STK3: variants seen among roughly 807,000 people sequenced by gnomAD.
STK3 encodes the protein serine/threonine-protein kinase 3.
A neutral mutation model predicts 58.0 loss-of-function variants in STK3; 41 were observed. The ratio of observed to expected loss-of-function variants is 0.71; its 90% CI spans 0.55 to 0.92. The LOEUF (loss-of-function observed/expected upper bound fraction) is 0.92. STK3 is among the 40% of genes least tolerant of loss of function. The pLI is 0.00. For synonymous variants in STK3, 170 were observed against 191.0 expected, an observed-to-expected ratio of 0.89 and a Z score of 0.91; for missense variants, 479 against 602.7, an observed-to-expected ratio of 0.79 and a Z score of 2.15.
chr8:98,627,625 C>T (rs939305516), intron 6 of STK3, among the ~76,000 whole-genome samples: 11 of 152,018 alleles, frequency 7.2e-5, no homozygotes, highest in African/African-American at 2.4e-4. Flanking sequence ...TTCCTGAAGC[C>T]TCACCAGAAG....
At chr8:98,891,423 A>G (rs1181884541) in intron 1 of STK3, among the ~76,000 whole-genome samples, 5 of 152,230 alleles carry the variant, frequency 3.3e-5, no homozygotes, top group African/African-American at 1.2e-4. Context: ...AATTATAACG[A>G]GAACTTTTAT....
chr8:98,740,184 A>C (rs1829066111), intron 4 of STK3, among the ~76,000 whole-genome samples: 1 of 152,224 alleles, frequency 6.6e-6, no homozygotes, highest in South Asian at 2.1e-4. Flanking sequence ...GATATTATCC[A>C]GGAGAACTTC....
At chr8:98,673,614 G>T (rs1378082139) in intron 6 of STK3, among the ~76,000 whole-genome samples, 2 of 152,016 alleles carry the variant, frequency 1.3e-5, no homozygotes, top group African/African-American at 4.8e-5. Flanking sequence ...GGAGGGGCAG[G>T]TGGGATGGTG....
intron 4 of STK3, among the ~76,000 whole-genome samples, chr8:98,725,327 A>T (rs774507801): frequency 1.5e-4 from 23 of 152,222 alleles, no homozygotes; most frequent in Non-Finnish European, 2.4e-4. Context: ...ACCTCAAGGA[A>T]GTAAAATTGA....
chr8:98,752,376 G>A (rs1055443487), intron 3 of STK3, among the ~76,000 whole-genome samples: 6 of 152,132 alleles, frequency 3.9e-5, no homozygotes, highest in African/African-American at 1.4e-4. Context: ...TCAATAAATG[G>A]TGCTGGGATA....
chr8:98,796,601 C>A (rs1387194882), intron 1 of STK3, among the ~76,000 whole-genome samples: 1 of 152,160 alleles, frequency 6.6e-6, no homozygotes, highest in Non-Finnish European at 1.5e-5. Flanking sequence ...AAAAAACTGA[C>A]AAGTGGGACC....
intron 1 of STK3, among the ~76,000 whole-genome samples, chr8:98,440,119 G>C (rs1818636569): frequency 6.6e-6 from 1 of 152,132 alleles, no homozygotes; most frequent in Non-Finnish European, 1.5e-5. Flanking sequence ...TAGCCCCAAA[G>C]GGATAAAGGA....
chr8:98,900,102 G>A (rs1167902882), intron 1 of STK3, among the ~76,000 whole-genome samples: 1 of 152,034 alleles, frequency 6.6e-6, no homozygotes, highest in South Asian at 2.1e-4. Flanking sequence ...TTTGAGACAG[G>A]GTCTCCCTCT....
intron 4 of STK3, among the ~76,000 whole-genome samples, chr8:98,733,140 C>A (rs1252050034): frequency 6.6e-6 from 1 of 152,230 alleles, no homozygotes; most frequent in African/African-American, 2.4e-5. Flanking sequence ...CTGACTTACT[C>A]ATTTATTCAT....
At chr8:98,893,935 C>A (rs558699698) in intron 1 of STK3, among the ~76,000 whole-genome samples, 17 of 152,328 alleles carry the variant, frequency 1.1e-4, no homozygotes, top group African/African-American at 3.4e-4. Flanking sequence ...GTTTCAGCAG[C>A]CCATGCTTCA....
chr8:98,916,224 A>G (rs905552595), intron 1 of STK3, among the ~76,000 whole-genome samples: 16 of 152,072 alleles, frequency 1.1e-4, no homozygotes, highest in African/African-American at 3.9e-4. Flanking sequence ...AGACCAGCCT[A>G]GCCAACATGG....
intron 3 of STK3, among the ~76,000 whole-genome samples, chr8:98,857,937 GA>G (rs1381540329): frequency 6.6e-6 from 1 of 152,080 alleles, no homozygotes; most frequent in East Asian, 1.9e-4. Flanking sequence ...AAAAGGAAAA[GA>G]AAAGCCTGTG....
intron 3 of STK3, among the ~76,000 whole-genome samples, chr8:98,871,557 A>G (rs571536294): frequency 7.2e-5 from 11 of 152,234 alleles, no homozygotes; most frequent in African/African-American, 2.6e-4. Flanking sequence ...GAGGTCCTTC[A>G]TGTCCCTTGT....
At chr8:98,897,777 AT>A (rs1225563972) in intron 1 of STK3, among the ~76,000 whole-genome samples, 1 of 152,040 alleles carries the variant, frequency 6.6e-6, no homozygotes, top group Admixed American at 6.6e-5. Context: ...TTTCCCCTGG[AT>A]TTTTGGCTAA....
chr8:98,855,907 A>G (rs562442156), intron 3 of STK3, among the ~76,000 whole-genome samples: 2 of 152,220 alleles, frequency 1.3e-5, no homozygotes, highest in South Asian at 4.1e-4. Flanking sequence ...CTGTAATCCC[A>G]GCACTTTGGG....
rs1828325309 is a variant in STK3, at chr8:98,733,093, T to C, written c.351+16183A>G. Among the ~76,000 whole-genome samples the C allele has an allele frequency of 2.0e-5, 3 of 152,332 alleles. No homozygotes were observed. In the East Asian group the frequency reaches 5.8e-4, roughly 29 times the overall value. Reference sequence around the variant, plus strand: ...CAGAAATAAAATTTGAGCATATCATTGTTTCCTCTTCCAAGATGTTCTTTG... The same window carrying C: ...CAGAAATAAAATTTGAGCATATCATCGTTTCCTCTTCCAAGATGTTCTTTG... On this transcript the variant is annotated intron_variant, in intron 4 of 10. Coordinates refer to ENST00000419617, the MANE Select transcript of STK3 (RefSeq NM_006281.4).
intron 6 of STK3, among the ~76,000 whole-genome samples, chr8:98,607,682 C>T (rs1415389029): frequency 6.6e-6 from 1 of 152,090 alleles, no homozygotes; most frequent in Non-Finnish European, 1.5e-5. Flanking sequence ...CAGCTTTTTT[C>T]ATGAATCATC....
chr8:98,714,674 G>A (rs963566170), intron 4 of STK3, among the ~76,000 whole-genome samples: 12 of 152,126 alleles, frequency 7.9e-5, no homozygotes, highest in African/African-American at 4.8e-5. Flanking sequence ...TCATGGGTAG[G>A]AAGAATCAAT....
chr8:98,522,473 T>G (rs1037526656), intron 10 of STK3, among the ~76,000 whole-genome samples: 5 of 152,214 alleles, frequency 3.3e-5, no homozygotes, highest in Non-Finnish European at 5.9e-5. Context: ...ACTAGACTTC[T>G]GACATATTTT....
Sources: allele counts gnomAD v4.1 joint callset (sites outside exome capture counted in the v4.1 genomes callset), GRCh38; gene constraint gnomAD v4.1.1; transcripts MANE v1.5; gene names NCBI Gene and HGNC (gene_info 2026-07-23, HGNC 2026-07-21).